Variants in PDE4B observed in about 807,000 individuals in gnomAD.
The protein encoded by PDE4B is 3',5'-cyclic-AMP phosphodiesterase 4B.
PDE4B carries 20 observed loss-of-function variants against 82.2 expected under a neutral mutation model. The observed-to-expected ratio is 0.24, with a 90% CI of 0.17 to 0.35. The LOEUF (loss-of-function observed/expected upper bound fraction) is 0.35. PDE4B is among the 10% of genes least tolerant of loss of function. PDE4B has a pLI of 1.00. For missense variants in PDE4B, 655 were observed against 907.2 expected (o/e 0.72, Z 3.57); for synonymous variants, 320 against 318.9 (o/e 1.00, Z -0.04).
chr1:66,353,563 T>A (rs1166169922), intron 8 of PDE4B, among the ~76,000 whole-genome samples: 1 of 152,022 alleles, frequency 6.6e-6, no homozygotes, highest in Non-Finnish European at 1.5e-5. Context: ...ATAGATGAAA[T>A]AAATCCTGGG....
chr1:66,277,856 C>T (rs1656003213), intron 7 of PDE4B, among the ~76,000 whole-genome samples: 4 of 152,162 alleles, frequency 2.6e-5, no homozygotes, highest in Admixed American at 2.6e-4. Flanking sequence ...GCAAGACTGC[C>T]TGCACTTAGT....
intron 3 of PDE4B, among the ~76,000 whole-genome samples, chr1:66,131,586 A>T (rs1389227446): frequency 8.8e-5 from 4 of 45,474 alleles, no homozygotes; most frequent in African/African-American, 2.5e-4. Flanking sequence ...TATTTTCTGA[A>T]TGCCAGATAT....
intron 1 of PDE4B, among the ~76,000 whole-genome samples, chr1:65,888,975 T>G (rs1646822759): frequency 6.6e-6 from 1 of 152,160 alleles, no homozygotes. Context: ...AATACTATGT[T>G]GAATAGGAGC....
chr1:65,823,191 T>A (rs867807082), intron 1 of PDE4B, among the ~76,000 whole-genome samples: 1 of 151,476 alleles, frequency 6.6e-6, no homozygotes, highest in African/African-American at 2.4e-5. Context: ...AGGTCAGGAG[T>A]TCGAGACCAG....
chr1:66,191,843 G>A (rs1171258500), intron 3 of PDE4B, among the ~76,000 whole-genome samples: 2 of 152,156 alleles, frequency 1.3e-5, no homozygotes, highest in Admixed American at 6.5e-5. Context: ...CAGGGGGAAT[G>A]AGAACCAAGC....
intron 1 of PDE4B, among the ~76,000 whole-genome samples, chr1:65,836,756 G>C (rs371055571): frequency 6.6e-6 from 1 of 151,340 alleles, no homozygotes; most frequent in African/African-American, 2.4e-5. Context: ...AAAGATTATT[G>C]TTCTCTTACT....
At chr1:66,297,628 T>G (rs1394075397) in intron 7 of PDE4B, among the ~76,000 whole-genome samples, 1 of 152,176 alleles carries the variant, frequency 6.6e-6, no homozygotes, top group Non-Finnish European at 1.5e-5. Context: ...ATTCATTATA[T>G]ATTATTCATT....
chr1:66,296,552 T>G (rs1657526615), intron 7 of PDE4B, among the ~76,000 whole-genome samples: 1 of 152,182 alleles, frequency 6.6e-6, no homozygotes, highest in South Asian at 2.1e-4. Flanking sequence ...GGCATGTTAC[T>G]TAATTCTTTT....
rs1375167825 is a variant in PDE4B at position 66,074,146 on chromosome 1, C to T, written c.281+155311C>T. Among the ~76,000 whole-genome samples the T allele has an allele frequency of 2.0e-5, 3 of 152,214 alleles. No homozygotes were observed. In the East Asian group the frequency reaches 5.8e-4, roughly 29 times the overall value. ...AGAGAAGGTTGTGGAAATGTGATTG[C>T]TCATGGATATGTCCTTGGAAGAGGG... On this transcript the variant is annotated intron_variant, in intron 3 of 16. Transcript: ENST00000341517.
At chr1:66,320,015 C>T (rs1242114328) in intron 7 of PDE4B, among the ~76,000 whole-genome samples, 1 of 152,156 alleles carries the variant, frequency 6.6e-6, no homozygotes, top group Non-Finnish European at 1.5e-5. Context: ...TTCTAACCAA[C>T]TAGAACTCTC....
chr1:66,315,547 G>A (rs150590614), intron 7 of PDE4B, among the ~76,000 whole-genome samples: 2,050 of 152,092 alleles, frequency 0.013, 52 homozygotes, highest in African/African-American at 0.047. Flanking sequence ...CCTCCGCCTC[G>A]TGGGTTCAAG....
intron 3 of PDE4B, among the ~76,000 whole-genome samples, chr1:66,136,633 G>A (rs1169282311): frequency 1.4e-5 from 2 of 144,564 alleles, no homozygotes; most frequent in African/African-American, 2.6e-5. Context: ...AGGAGGCAGA[G>A]GTTGCAGTGA....
intron 3 of PDE4B, among the ~76,000 whole-genome samples, chr1:65,931,117 G>A (rs1647808717): frequency 6.6e-6 from 1 of 152,110 alleles, no homozygotes; most frequent in Non-Finnish European, 1.5e-5. Flanking sequence ...TTAGAAATGT[G>A]TAGCACCTCT....
At chr1:65,865,981 A>G (rs1646506641) in intron 1 of PDE4B, among the ~76,000 whole-genome samples, 1 of 152,092 alleles carries the variant, frequency 6.6e-6, no homozygotes, top group South Asian at 2.1e-4. Context: ...TGTAGACCTA[A>G]ACTTTCTATA....
intron 3 of PDE4B, among the ~76,000 whole-genome samples, chr1:66,043,796 C>T (rs980615086): frequency 1.3e-5 from 2 of 151,652 alleles, no homozygotes; most frequent in African/African-American, 4.8e-5. Flanking sequence ...AAACAGGCAA[C>T]AGGATTGTGT....
chr1:66,343,363 C>T (rs1661159065), intron 8 of PDE4B, among the ~76,000 whole-genome samples: 1 of 152,144 alleles, frequency 6.6e-6, no homozygotes, highest in African/African-American at 2.4e-5. Flanking sequence ...GAAAACTTCC[C>T]CTTGGCTCAA....
chr1:65,948,539 C>T (rs1648830368), intron 3 of PDE4B, among the ~76,000 whole-genome samples: 2 of 151,908 alleles, frequency 1.3e-5, no homozygotes, highest in African/African-American at 4.8e-5. Flanking sequence ...GTTTTATATT[C>T]ACTGGCAGCT....
At chr1:65,817,072 G>A (rs1365244314) in intron 1 of PDE4B, among the ~76,000 whole-genome samples, 1 of 152,114 alleles carries the variant, frequency 6.6e-6, no homozygotes, top group African/African-American at 2.4e-5. Context: ...TTAAAAGGGT[G>A]TCCTCATGAT....
intron 4 of PDE4B, among the ~76,000 whole-genome samples, chr1:66,253,717 C>G (rs1653966706): frequency 6.6e-6 from 1 of 152,194 alleles, no homozygotes; most frequent in East Asian, 1.9e-4. Flanking sequence ...TCTGGTTGCA[C>G]TCTAAGAGAA....
Sources: allele counts gnomAD v4.1 joint callset (sites outside exome capture counted in the v4.1 genomes callset), GRCh38; gene constraint gnomAD v4.1.1; transcripts MANE v1.5; gene names NCBI Gene and HGNC (gene_info 2026-07-23, HGNC 2026-07-21).